RNASEL: variants seen among roughly 807,000 people sequenced by gnomAD.
RNASEL encodes the protein 2-5A-dependent ribonuclease.
Under a neutral mutation model 50.9 loss-of-function variants are expected in RNASEL, and 36 were observed. The observed-to-expected ratio is 0.71, with a 90% confidence interval of 0.54 to 0.93. The LOEUF is 0.93. Ranked by LOEUF, RNASEL falls within the 40% of genes least tolerant of loss-of-function variation. RNASEL has a pLI of 0.00. For synonymous variants in RNASEL, 335 were observed against 335.6 expected, an observed-to-expected ratio of 1.00 and a Z score of 0.02; for missense variants, 860 against 894.5, an observed-to-expected ratio of 0.96 and a Z score of 0.49.
At chr1:182,582,326 T>C in intron 3 of RNASEL, 68 bp from the exon 4 acceptor site, 1 of 1,561,314 alleles carries the variant, frequency 6.4e-7, no homozygotes, top group Non-Finnish European at 8.8e-7. Context: ...GAAGGAGTGG[T>C]GCACGCTATT....
In RNASEL at chr1:182,581,253, G is replaced by A; in HGVS notation, c.1877C>T (p.Ser626Phe). 6.2e-7 allele frequency: 1 copy of A among 1,614,086 alleles called. No individual in the cohort carries two copies. The change falls in exon 5 of 7, where the codon TCC becomes TTC. Residue 626 changes from serine to phenylalanine, a missense_variant. Ser to Phe is a radical substitution (Grantham distance 155). Transcript: ENST00000367559. ...RLLQPGPSEH[S>F]KSFDKWTTKI... ...AGTCGTCCACTTGTCAAAACTTTTG[G>A]AATGTTCAGAAGGCCCAGGTTGCAG...
At position 182,575,248 on chromosome 1, in the gene RNASEL, A is replaced by T; in HGVS notation, c.*144T>A. The T allele has an allele frequency of 2.5e-6, 2 of 790,490 alleles. No homozygotes were observed. Among genetic ancestry groups the T allele is most frequent in the South Asian group, 2.9e-5 (2 of 68,092 alleles). 49.0% of individuals were successfully genotyped at this position (790,490 alleles called of 1,614,324 possible). ...ATTGCTTTTGTTATAGACATATGGA[A>T]TACACGATGCCAGGGACTGACATAT... On this transcript the variant is annotated 3_prime_UTR_variant, in exon 7 of 7. Coordinates refer to ENST00000367559, the MANE Select transcript of RNASEL (RefSeq NM_021133.4).
At position 182,586,283 on chromosome 1, in the gene RNASEL, G is replaced by GCGTC; in HGVS notation, c.520_523dup (p.Ala175GlyfsTer4). 1 of 1,614,142 alleles carries GCGTC rather than the reference G, an allele frequency of 6.2e-7. No individual in the cohort carries two copies. Among genetic ancestry groups the GCGTC allele is most frequent in the Non-Finnish European group, 8.5e-7 (1 of 1,180,020 alleles). On this transcript the variant is annotated frameshift_variant, in exon 2 of 7. Coordinates refer to ENST00000367559, the MANE Select transcript of RNASEL (RefSeq NM_021133.4). LOFTEE classifies it high-confidence loss of function. The stretch of plus-strand genomic sequence containing the variant: ...GACCTCTACGTGTCCTTTTTCAGCA[G>GCGTC]CGTCCATGAGAGCTGTGGCCCCTCC...
intron 1 of RNASEL, among the ~76,000 whole-genome samples, chr1:182,588,378 G>A (rs1661638658): frequency 6.6e-6 from 1 of 152,112 alleles, no homozygotes; most frequent in South Asian, 2.1e-4. Context: ...GCAAATATTA[G>A]CCACTCAATG....
At chr1:182,587,239 C>G (rs1181803834) in intron 1 of RNASEL, among the ~76,000 whole-genome samples, 2 of 151,974 alleles carry the variant, frequency 1.3e-5, no homozygotes, top group African/African-American at 4.8e-5. Context: ...GTAACTGTAT[C>G]CTACTTCCTT....
rs375420925 is a variant in RNASEL at position 182,585,883 on chromosome 1, C to T, written c.924G>A (p.Ala308=). The change falls in exon 2 of 7, where the codon GCG becomes GCA. Residue 308 remains alanine (A), a synonymous_variant. Transcript: ENST00000367559. ...STDCGDLVMT[A]RRNYDHSLVK... is the part of the protein sequence containing the mutation. ...CAAGGGAATGGTCATAATTCCGCCT[C>T]GCTGTCATAACAAGATCCCCACAAT... 6.2e-6 allele frequency: 10 copies of T among 1,612,186 alleles called. No homozygotes were observed. Among genetic ancestry groups the T allele is most frequent in the South Asian group, 2.2e-5 (2 of 91,050 alleles).
At chr1:182,579,510 A>G in intron 5 of RNASEL, 1 of 1,087,244 alleles carries the variant, frequency 9.2e-7, no homozygotes, top group South Asian at 2.4e-5. Context: ...AGAAACGCCA[A>G]GCACGTATGT....
intron 6 of RNASEL, 89 bp downstream of exon 6, chr1:182,576,167 T>C: frequency 7.2e-7 from 1 of 1,393,822 alleles, no homozygotes; most frequent in Non-Finnish European, 9.9e-7. Context: ...TAAATTTTCT[T>C]TTTTCCATCG....
At chr1:182,577,687 A>G (rs113978588) in intron 5 of RNASEL, among the ~76,000 whole-genome samples, 22 of 151,198 alleles carry the variant, frequency 1.5e-4, no homozygotes, top group African/African-American at 5.1e-4. Flanking sequence ...CATCTTAAGG[A>G]AAAAAAAACA....
chr1:182,586,067 A>T lies in RNASEL; in HGVS notation c.740T>A (p.Val247Glu). Residue 247 changes from valine to glutamate, a missense_variant, in exon 2 of 7, where the codon GTG (valine) becomes GAG (glutamate). By Grantham distance (121) the Val-to-Glu change is moderately radical. Transcript: ENST00000367559. ...ERGKTPLILA[V>E]EKKHLGLVQR... Reference sequence around the variant, plus strand: ...CACCAAACCCAAGTGCTTCTTCTCCACTGCCAGGATCAGGGGAGTCTTCCC... The same window carrying T: ...CACCAAACCCAAGTGCTTCTTCTCCTCTGCCAGGATCAGGGGAGTCTTCCC... The T allele has an allele frequency of 6.2e-7, 1 of 1,614,048 alleles. No homozygotes were observed. Among genetic ancestry groups the T allele is most frequent in the South Asian group, 1.1e-5 (1 of 91,084 alleles).
intron 5 of RNASEL, chr1:182,578,153 A>G (rs552968997): frequency 3.3e-5 from 5 of 152,278 alleles, no homozygotes; most frequent in African/African-American, 1.2e-4. Context: ...TAAACTAAAA[A>G]CTTCTGCGCA....
chr1:182,575,513 T>C lies in RNASEL; in HGVS notation c.2105A>G (p.Tyr702Cys), dbSNP rs894072834. Residue 702 changes from tyrosine to cysteine, a missense_variant, in exon 7 of 7, where the codon TAT becomes TGT. Coordinates refer to ENST00000367559, the MANE Select transcript of RNASEL (RefSeq NM_021133.4). The stretch of plus-strand genomic sequence containing the variant: ...TGTGTTCTGTAGTTTTGTGTAGACA[T>C]AGATCACCAGATCTGGAAATGTCTT... ...FQKTFPDLVI[Y>C]VYTKLQNTEY... 5 of 1,614,084 alleles carry C rather than the reference T, an allele frequency of 3.1e-6. No homozygotes were observed. The highest frequency in any genetic ancestry group is 3.3e-5 in the Admixed American group (2 of 60,006).
intron 2 of RNASEL, among the ~76,000 whole-genome samples, chr1:182,584,860 T>C (rs956582882): frequency 6.6e-6 from 1 of 152,228 alleles, no homozygotes; most frequent in Non-Finnish European, 1.5e-5. Flanking sequence ...GCTATTTTCC[T>C]TCCCTTTGTT....
At position 182,575,186 on chromosome 1, in the gene RNASEL, T is replaced by C; in HGVS notation, c.*206A>G. 1.7e-6 allele frequency: 1 copy of C among 581,470 alleles called. No homozygotes were observed. The highest frequency in any genetic ancestry group is 3.1e-6 in the Non-Finnish European group (1 of 327,196). 36.0% of individuals were successfully genotyped at this position (581,470 alleles called of 1,614,324 possible). ...CTTAGCAGAATGTCCTCCCAGTTAG[T>C]GGGTAAAGCTTATGGACTAGTGTAG... On this transcript the variant is annotated 3_prime_UTR_variant, in exon 7 of 7. Transcript: ENST00000367559.
At position 182,585,628 on chromosome 1, in the gene RNASEL, C is replaced by A. The variant is rs147141911; in HGVS notation, c.1179G>T (p.Thr393=). Reference sequence around the variant, plus strand: ...GTGCACGTGGGCTGCCCTCACAGAACGTCTTCACAGCTACTTCTTGCTTCT... The same window carrying A: ...GTGCACGTGGGCTGCCCTCACAGAAAGTCTTCACAGCTACTTCTTGCTTCT... The part of the protein sequence containing the change: ...FYEKQEVAVK[T]FCEGSPRAQR... The change falls in exon 2 of 7, where the codon ACG becomes ACT. Residue 393 remains threonine (T), a synonymous_variant. Coordinates refer to ENST00000367559, the MANE Select transcript of RNASEL (RefSeq NM_021133.4). 3 of 1,614,062 alleles carry A rather than the reference C, an allele frequency of 1.9e-6. No homozygotes were observed. Among genetic ancestry groups the A allele is most frequent in the East Asian group, 2.2e-5 (1 of 44,896 alleles).
Position 182,586,859 on chromosome 1 carries a change from A to G in RNASEL, c.-53T>C. The G allele has an allele frequency of 1.9e-6, 3 of 1,610,368 alleles. 1 individual carries two copies. In the Admixed American group the frequency reaches 5.0e-5, roughly 27 times the overall value. ...TTAGCCTTTTCCTTGAGAAAATGCA[A>G]ATTTATCTCCTAGCACTTAATCAAA... On this transcript the variant is annotated 5_prime_UTR_variant, in exon 2 of 7. Transcript: ENST00000367559.
chr1:182,588,612 G>A (rs568457082), intron 1 of RNASEL, among the ~76,000 whole-genome samples: 4 of 152,302 alleles, frequency 2.6e-5, no homozygotes, highest in Admixed American at 1.3e-4. Context: ...TAGAATTCAC[G>A]AAGCAACCCT....
intron 1 of RNASEL, among the ~76,000 whole-genome samples, chr1:182,588,047 T>C (rs1409755541): frequency 6.6e-6 from 1 of 152,236 alleles, no homozygotes; most frequent in East Asian, 1.9e-4. Context: ...GTAAGTGTTC[T>C]GAGCACATTT....
In RNASEL at chr1:182,586,929, G is replaced by A. The variant is rs1369945785; in HGVS notation, c.-123C>T. The A allele has an allele frequency of 3.4e-5, 43 of 1,264,032 alleles. No homozygotes were observed. Among genetic ancestry groups the A allele is most frequent in the Non-Finnish European group, 4.6e-5 (40 of 876,308 alleles). The allele number at this position is 1,264,032 out of a possible 1,614,324, so 78.3% of individuals were successfully genotyped here. A position where few individuals can be genotyped will look rare whatever the true frequency, so the allele number is the denominator to read the frequency against. On this transcript the variant is annotated 5_prime_UTR_variant, in exon 2 of 7. Transcript: ENST00000367559. ...GGGATTCTCTGGCAACAGAGCAGCA[G>A]TATGAAGAAGGAACAATGTTCTCAG...
Sources: allele counts gnomAD v4.1 joint callset (sites outside exome capture counted in the v4.1 genomes callset), GRCh38; gene constraint gnomAD v4.1.1; transcripts MANE v1.5; gene names NCBI Gene and HGNC (gene_info 2026-07-23, HGNC 2026-07-21).